GPC6: variants seen among roughly 807,000 people sequenced by gnomAD.
GPC6 encodes the protein glypican-6.
Under a neutral mutation model 55.2 loss-of-function variants are expected in GPC6, and 14 were observed. The observed-to-expected ratio is 0.25, with a 90% CI of 0.17 to 0.40. GPC6 has a LOEUF of 0.40. GPC6 is among the 10% of genes least tolerant of loss of function. The pLI is 1.00. For synonymous variants in GPC6, 278 were observed against 259.6 expected (o/e 1.07, Z -0.68); for missense variants, 641 against 708.5 (o/e 0.90, Z 1.08).
chr13:94,019,126 A>G (rs1030586935), intron 3 of GPC6, among the ~76,000 whole-genome samples: 15 of 152,184 alleles, frequency 9.9e-5, no homozygotes, highest in Non-Finnish European at 1.9e-4. Flanking sequence ...GAAGAGTTTA[A>G]GAAGGATTTT....
At chr13:93,828,014 TTC>T (rs1887328567) in intron 2 of GPC6, among the ~76,000 whole-genome samples, 1 of 152,154 alleles carries the variant, frequency 6.6e-6, no homozygotes, top group African/African-American at 2.4e-5. Flanking sequence ...ATTTTTTTTT[TTC>T]TCTTTCTCTT....
rs66957373 is a variant in GPC6, at chr13:93,561,404, G to GATATATATATATATATAT, written c.319+15988_319+16005dup. 1.5e-3 allele frequency among the ~76,000 whole-genome samples: 157 copies of GATATATATATATATATAT among 104,668 alleles called. 7 individuals carry two copies. Among genetic ancestry groups the GATATATATATATATATAT allele is most frequent in the African/African-American group, 4.0e-3 (96 of 24,110 alleles). The allele number at this position is 104,668 out of a possible 152,430, so 68.7% of individuals were successfully genotyped here. A position where few individuals can be genotyped will look rare whatever the true frequency, so the allele number is the denominator to read the frequency against. On this transcript the variant is annotated intron_variant, in intron 2 of 8. Transcript: ENST00000377047. ...AATAATTGCATACTATATCCCTATC[G>GATATATATATATATATAT]ATATATATATATATATATATATTTG...
intron 2 of GPC6, among the ~76,000 whole-genome samples, chr13:93,749,088 A>G (rs965264549): frequency 6.6e-6 from 1 of 152,014 alleles, no homozygotes; most frequent in Non-Finnish European, 1.5e-5. Context: ...GTAATCAACT[A>G]TACTATTTTT....
chr13:93,986,829 T>C (rs77022343), intron 3 of GPC6, among the ~76,000 whole-genome samples: 2,203 of 152,290 alleles, frequency 0.014, 25 homozygotes, highest in Non-Finnish European at 0.024. Context: ...ATATTTTACA[T>C]GCTATTTTGC....
intron 4 of GPC6, among the ~76,000 whole-genome samples, chr13:94,267,181 G>A (rs568085531): frequency 2.0e-5 from 3 of 152,074 alleles, no homozygotes. Context: ...GATGACTTAG[G>A]AGAAATGGGG....
At position 93,754,163 on chromosome 13, in the gene GPC6, G is replaced by A. The variant is rs116063000; in HGVS notation, c.320-75991G>A. Among the ~76,000 whole-genome samples the A allele has an allele frequency of 3.0e-3, 455 of 152,274 alleles. 4 individuals are homozygous for A. Among genetic ancestry groups the A allele is most frequent in the African/African-American group, 0.011 (445 of 41,542 alleles). On this transcript the variant is annotated intron_variant, in intron 2 of 8. Coordinates refer to ENST00000377047, the MANE Select transcript of GPC6 (RefSeq NM_005708.5). ...TTTCAAACTTTCTCCTCTTCCCAGT[G>A]AAGATTATTTTTGGAGGAAAAGATA...
intron 2 of GPC6, among the ~76,000 whole-genome samples, chr13:93,803,637 G>A (rs1240477762): frequency 2.0e-5 from 3 of 152,066 alleles, no homozygotes; most frequent in Non-Finnish European, 4.4e-5. Context: ...CTATATGAAT[G>A]CACATAGCAA....
intron 1 of GPC6, chr13:93,395,388 C>T (rs1048681935): frequency 3.0e-6 from 1 of 335,334 alleles, no homozygotes; most frequent in Non-Finnish European, 5.7e-6. Context: ...ACAATCTTAT[C>T]CACAGAATCA....
chr13:93,420,135 T>G (rs1238715560), intron 1 of GPC6, among the ~76,000 whole-genome samples: 1 of 152,202 alleles, frequency 6.6e-6, no homozygotes, highest in Non-Finnish European at 1.5e-5. Context: ...AAGATTAATA[T>G]GCATATAGCA....
intron 4 of GPC6, among the ~76,000 whole-genome samples, chr13:94,158,315 A>G (rs1050962584): frequency 6.6e-6 from 1 of 152,114 alleles, no homozygotes; most frequent in Non-Finnish European, 1.5e-5. Context: ...CTGGAGTGTC[A>G]ATTAGACACA....
chr13:94,135,386 A>G (rs1566449921), intron 4 of GPC6, among the ~76,000 whole-genome samples: 1 of 152,164 alleles, frequency 6.6e-6, no homozygotes, highest in Non-Finnish European at 1.5e-5. Flanking sequence ...ATAATTGTCC[A>G]GGGCCTTTTG....
intron 4 of GPC6, among the ~76,000 whole-genome samples, chr13:94,083,297 T>G (rs1025755420): frequency 2.0e-5 from 3 of 152,088 alleles, no homozygotes; most frequent in African/African-American, 7.2e-5. Flanking sequence ...TTTTTGTATT[T>G]TAAATAGAGA....
chr13:94,235,984 G>C (rs1890867239), intron 4 of GPC6, among the ~76,000 whole-genome samples: 1 of 152,126 alleles, frequency 6.6e-6, no homozygotes, highest in South Asian at 2.1e-4. Flanking sequence ...AACTAAAGAA[G>C]GGATTAATTT....
At chr13:93,472,878 C>T (rs1879173520) in intron 1 of GPC6, among the ~76,000 whole-genome samples, 1 of 152,196 alleles carries the variant, frequency 6.6e-6, no homozygotes, top group Non-Finnish European at 1.5e-5. Context: ...CAGAACACCT[C>T]AGTCTCCCAC....
chr13:94,268,147 A>C (rs775303546), intron 4 of GPC6, among the ~76,000 whole-genome samples: 1 of 152,234 alleles, frequency 6.6e-6, no homozygotes, highest in Non-Finnish European at 1.5e-5. Context: ...TGATGTTAGT[A>C]GTTCCAAGAG....
At chr13:93,236,388 C>A (rs1296189679) in intron 1 of GPC6, among the ~76,000 whole-genome samples, 1 of 152,010 alleles carries the variant, frequency 6.6e-6, no homozygotes, top group African/African-American at 2.4e-5. Flanking sequence ...CTCTTCCCAC[C>A]CTCCCTACTT....
At chr13:94,053,621 C>G (rs1884031947) in intron 4 of GPC6, among the ~76,000 whole-genome samples, 1 of 152,114 alleles carries the variant, frequency 6.6e-6, no homozygotes, top group African/African-American at 2.4e-5. Flanking sequence ...ATAGCCACCT[C>G]CCTTTCACTT....
chr13:93,494,477 A>G (rs1312147296), intron 1 of GPC6, among the ~76,000 whole-genome samples: 1 of 152,136 alleles, frequency 6.6e-6, no homozygotes, highest in Admixed American at 6.5e-5. Flanking sequence ...CTTTTTATCC[A>G]GCTTGCCAGT....
chr13:94,190,525 G>A (rs1271907022), intron 4 of GPC6, among the ~76,000 whole-genome samples: 1 of 152,146 alleles, frequency 6.6e-6, no homozygotes, highest in Non-Finnish European at 1.5e-5. Context: ...GGACACTGAG[G>A]ACACATGGCA....
Sources: gnomAD v4.1 joint callset for allele counts (sites outside exome capture counted in the v4.1 genomes callset) on GRCh38, gnomAD v4.1.1 for gene constraint, MANE v1.5 for transcripts, NCBI Gene and HGNC (gene_info 2026-07-23, HGNC 2026-07-21) for gene names.